The following DLC1 variants were observed in gnomAD, a reference collection of about 807,000 sequenced individuals.
The protein encoded by DLC1 is DLC1 Rho GTPase activating protein.
A neutral mutation model predicts 140.3 loss-of-function variants in DLC1; 54 were observed. The ratio of observed to expected loss-of-function variants is 0.38; its 90% confidence interval spans 0.31 to 0.48. The LOEUF (loss-of-function observed/expected upper bound fraction) is 0.48. Ranked by LOEUF, DLC1 falls within the 20% of genes least tolerant of loss-of-function variation. DLC1 has a pLI of 0.96. For missense variants in DLC1, 2,536 were observed against 1,907.0 expected (o/e 1.33, Z -6.14); for synonymous variants, 986 against 728.1 (o/e 1.35, Z -5.70).
intron 5 of DLC1, among the ~76,000 whole-genome samples, chr8:13,178,338 G>A (rs542649186): frequency 5.6e-4 from 85 of 151,954 alleles, no homozygotes; most frequent in Non-Finnish European, 1.0e-3. Flanking sequence ...CATGACGGGC[G>A]GATCACGAGG....
At chr8:13,210,715 T>C (rs1232748321) in intron 5 of DLC1, among the ~76,000 whole-genome samples, 2 of 152,224 alleles carry the variant, frequency 1.3e-5, no homozygotes, top group Non-Finnish European at 2.9e-5. Flanking sequence ...AGAACCGCTT[T>C]AGGTTTTCCA....
At chr8:13,484,366 C>G (rs2117133419) in intron 2 of DLC1, among the ~76,000 whole-genome samples, 1 of 152,272 alleles carries the variant, frequency 6.6e-6, no homozygotes, top group Admixed American at 6.5e-5. Flanking sequence ...GCTTAACTCT[C>G]TCTACCTATG....
intron 5 of DLC1, among the ~76,000 whole-genome samples, chr8:13,170,597 G>A (rs905801449): frequency 6.6e-6 from 1 of 152,024 alleles, no homozygotes; most frequent in African/African-American, 2.4e-5. Context: ...GGGCATGGTG[G>A]CGGGCACCTG....
chr8:13,222,566 T>G (rs1828606777), intron 5 of DLC1, among the ~76,000 whole-genome samples: 2 of 152,178 alleles, frequency 1.3e-5, no homozygotes, highest in Non-Finnish European at 2.9e-5. Context: ...CAAAACTGTC[T>G]CCCAAATCTA....
rs77585174 is a variant in DLC1, at chr8:13,096,801, G to T, written c.3168-1556C>A. The stretch of plus-strand genomic sequence containing the variant: ...TTGCCGACTTTCTCAAGCAACTTGG[G>T]TTTGCTACAGAGTGCTACTAATGAA... On this transcript the variant is annotated intron_variant, in intron 10 of 17. Transcript: ENST00000276297. Among the ~76,000 whole-genome samples, 949 of 152,294 alleles carry T rather than the reference G, an allele frequency of 6.2e-3. 8 individuals carry two copies. The highest frequency in any genetic ancestry group is 0.022 in the African/African-American group (911 of 41,564).
chr8:13,560,771 G>T (rs931690508), intron 1 of DLC1, among the ~76,000 whole-genome samples: 8 of 152,034 alleles, frequency 5.3e-5, no homozygotes, highest in African/African-American at 1.4e-4. Context: ...TCCCTGTGGG[G>T]GGGGAGGGAA....
At chr8:13,118,361 G>A (rs1820755557) in intron 5 of DLC1, among the ~76,000 whole-genome samples, 1 of 152,124 alleles carries the variant, frequency 6.6e-6, no homozygotes, top group African/African-American at 2.4e-5. Context: ...CTAAAACACA[G>A]TACTCCCCAA....
At chr8:13,312,082 C>CTAGATAAACAGAAAGAGCCCCATGA (rs1563244594) in intron 4 of DLC1, among the ~76,000 whole-genome samples, 1 of 130,764 alleles carries the variant, frequency 7.6e-6, no homozygotes. Flanking sequence ...TTTCTTTAGG[C>CTAGATAAACAGAAAGAGCCCCATGA]CGGGCGCGGT....
intron 5 of DLC1, among the ~76,000 whole-genome samples, chr8:13,301,219 T>C (rs994462242): frequency 6.2e-5 from 9 of 145,484 alleles, no homozygotes; most frequent in Middle Eastern, 3.7e-3. Context: ...TTCAGTCTAA[T>C]AGACAAAAAA....
chr8:13,364,945 C>G (rs924765191), intron 4 of DLC1, among the ~76,000 whole-genome samples: 1 of 152,026 alleles, frequency 6.6e-6, no homozygotes, highest in Non-Finnish European at 1.5e-5. Context: ...TTAAAAGGAC[C>G]CTCATCTTTT....
chr8:13,421,548 A>C (rs1253858576), intron 2 of DLC1, among the ~76,000 whole-genome samples: 1 of 152,186 alleles, frequency 6.6e-6, no homozygotes, highest in East Asian at 1.9e-4. Context: ...GTTTAATGGA[A>C]GATAACTTTT....
At chr8:13,112,862 A>G (rs1233570247) in intron 6 of DLC1, among the ~76,000 whole-genome samples, 2 of 152,168 alleles carry the variant, frequency 1.3e-5, no homozygotes, top group Non-Finnish European at 2.9e-5. Flanking sequence ...TTGACTCTGA[A>G]TACACACCAA....
chr8:13,197,076 G>A (rs1827105780), intron 5 of DLC1, among the ~76,000 whole-genome samples: 2 of 152,098 alleles, frequency 1.3e-5, no homozygotes, highest in African/African-American at 4.8e-5. Context: ...TCCTGTTTTT[G>A]TCTATTTCAT....
intron 14 of DLC1, 141 bp from the exon 15 acceptor site, chr8:13,090,611 A>G: frequency 1.2e-6 from 1 of 848,492 alleles, no homozygotes; most frequent in East Asian, 2.7e-5. Flanking sequence ...GTGGGCTATC[A>G]TGCTGACCGC....
intron 5 of DLC1, among the ~76,000 whole-genome samples, chr8:13,170,579 A>C (rs989928707): frequency 1.3e-5 from 2 of 152,006 alleles, no homozygotes; most frequent in Non-Finnish European, 2.9e-5. Flanking sequence ...AAATACAAAA[A>C]ATTAGCTGGG....
intron 1 of DLC1, among the ~76,000 whole-genome samples, chr8:13,539,915 A>G (rs55823853): frequency 0.12 from 18,444 of 152,180 alleles, 1,294 homozygotes; most frequent in Non-Finnish European, 0.14. Context: ...GAGCAATTCT[A>G]GAATAAGCTA....
chr8:13,243,861 G>A (rs1402016710), intron 5 of DLC1, among the ~76,000 whole-genome samples: 5 of 152,122 alleles, frequency 3.3e-5, no homozygotes, highest in Admixed American at 2.0e-4. Flanking sequence ...TGATGACTCC[G>A]TAATTGGTAT....
At chr8:13,466,234 C>G (rs755099707) in intron 2 of DLC1, among the ~76,000 whole-genome samples, 1 of 152,210 alleles carries the variant, frequency 6.6e-6, no homozygotes, top group East Asian at 1.9e-4. Context: ...CACTTCCTCT[C>G]TCTCTTGCTA....
intron 1 of DLC1, among the ~76,000 whole-genome samples, chr8:13,570,952 A>G (rs1585287099): frequency 6.6e-6 from 1 of 152,266 alleles, no homozygotes; most frequent in African/African-American, 2.4e-5. Flanking sequence ...GCAGACAGGT[A>G]TCTTGGGATG....
Sources: allele counts gnomAD v4.1 joint callset (sites outside exome capture counted in the v4.1 genomes callset), GRCh38; gene constraint gnomAD v4.1.1; transcripts MANE v1.5; gene names NCBI Gene and HGNC (gene_info 2026-07-23, HGNC 2026-07-21).